TAB2: variants seen among roughly 807,000 people sequenced by gnomAD.
TAB2 encodes the protein TGF-beta activated kinase 1 (MAP3K7) binding protein 2.
In TAB2, 3 loss-of-function variants were observed where a neutral mutation model predicts 65.0. That is an observed-to-expected ratio of 0.05 (90% confidence interval 0.02 to 0.12). TAB2 has a LOEUF of 0.12. TAB2 is among the 10% of genes least tolerant of loss of function. The pLI, the probability that TAB2 is intolerant of heterozygous loss-of-function variation, is 1.00. For synonymous variants in TAB2, 298 were observed against 285.1 expected (o/e 1.05, Z -0.46); for missense variants, 623 against 840.3 (o/e 0.74, Z 3.20).
At chr6:149,368,094 C>T (rs1781097825) in intron 1 of TAB2, among the ~76,000 whole-genome samples, 1 of 152,146 alleles carries the variant, frequency 6.6e-6, no homozygotes, top group African/African-American at 2.4e-5. Flanking sequence ...TAGATCTGAA[C>T]TCTACCAGCC....
In TAB2 at chr6:149,377,766, G is replaced by T. The variant is rs6916134; in HGVS notation, c.103-252G>T. Reference sequence around the variant, plus strand: ...TCTGTCTGAATCCATTTTACTCCTCGTATCCATTGTAGCTGCTAAAGTGGA... The same window carrying T: ...TCTGTCTGAATCCATTTTACTCCTCTTATCCATTGTAGCTGCTAAAGTGGA... On this transcript the variant is annotated intron_variant, in intron 2 of 6. Coordinates refer to ENST00000637181, the MANE Select transcript of TAB2 (RefSeq NM_001292034.3). Among the ~76,000 whole-genome samples, 135,418 of 152,202 alleles carry T rather than the reference G, an allele frequency of 0.89. 60,250 individuals are homozygous for T. Among genetic ancestry groups the T allele is most frequent in the Middle Eastern group, 0.97 (284 of 294 alleles).
At chr6:149,350,249 C>T (rs59820585) in intron 1 of TAB2, among the ~76,000 whole-genome samples, 35,879 of 151,886 alleles carry the variant, frequency 0.24, 4,423 homozygotes, top group Non-Finnish European at 0.26. Flanking sequence ...ATATTTCTCA[C>T]GTGAAGAATT....
chr6:149,253,669 A>G (rs367992227), intron 1 of TAB2, among the ~76,000 whole-genome samples: 15 of 149,570 alleles, frequency 1.0e-4, no homozygotes, highest in Admixed American at 3.4e-4. Context: ...CACGCTTGTA[A>G]TCCTAGCACT....
intron 1 of TAB2, among the ~76,000 whole-genome samples, chr6:149,352,584 T>C (rs1222133327): frequency 6.6e-6 from 1 of 152,232 alleles, no homozygotes; most frequent in African/African-American, 2.4e-5. Flanking sequence ...AATACTTTAC[T>C]ATAAGCACCT....
chr6:149,292,801 T>C (rs1236708335), intron 1 of TAB2, among the ~76,000 whole-genome samples: 1 of 152,246 alleles, frequency 6.6e-6, no homozygotes, highest in African/African-American at 2.4e-5. Context: ...AGTTTTTTCA[T>C]AGCTAACCGT....
At chr6:149,399,072 G>C (rs780290901) in intron 5 of TAB2, 32 bp from the exon 6 acceptor site, 32 of 1,541,230 alleles carry the variant, frequency 2.1e-5, no homozygotes, top group Non-Finnish European at 2.8e-5. Context: ...TGAGCTATAA[G>C]CATTGATATA....
intron 1 of TAB2, among the ~76,000 whole-genome samples, chr6:149,265,193 T>C (rs1348105065): frequency 2.5e-5 from 2 of 80,164 alleles, no homozygotes; most frequent in Non-Finnish European, 5.0e-5. Flanking sequence ...TTCAGAACCC[T>C]TTTTTTTTTT....
chr6:149,394,086 A>G (rs1049526677), intron 3 of TAB2, among the ~76,000 whole-genome samples: 4 of 151,524 alleles, frequency 2.6e-5, no homozygotes, highest in Non-Finnish European at 5.9e-5. Flanking sequence ...ACATAGACTG[A>G]TACTGTTCTG....
At chr6:149,249,953 A>T (rs369387322) in intron 1 of TAB2, among the ~76,000 whole-genome samples, 11 of 152,308 alleles carry the variant, frequency 7.2e-5, no homozygotes, top group Admixed American at 3.3e-4. Context: ...TTGGACTGTG[A>T]GGGAAGGCTG....
chr6:149,316,521 T>C (rs1779255373), upstream of TAB2, among the ~76,000 whole-genome samples: 1 of 152,198 alleles, frequency 6.6e-6, no homozygotes, highest in Admixed American at 6.5e-5. Flanking sequence ...GATATGGACA[T>C]TTTGGACAGG....
rs1050095732 is a variant in TAB2 at position 149,410,990 on chromosome 6, A to G, written c.*1271A>G. ...GTATTTATAAAACAAGGCTAGCCAT[A>G]TTTAGGACAACTGAAGAAAAGCTGG... On this transcript the variant is annotated 3_prime_UTR_variant, in exon 7 of 7. Coordinates refer to ENST00000637181, the MANE Select transcript of TAB2 (RefSeq NM_001292034.3). 2.0e-5 allele frequency: 3 copies of G among 152,590 alleles called. No individual in the cohort carries two copies. Among genetic ancestry groups the G allele is most frequent in the Non-Finnish European group, 4.4e-5 (3 of 68,028 alleles). The allele number at this position is 152,590 out of a possible 1,614,324, so 9.5% of individuals were successfully genotyped here.
chr6:149,275,212 G>T (rs1246422290), intron 1 of TAB2, among the ~76,000 whole-genome samples: 1 of 128,820 alleles, frequency 7.8e-6, no homozygotes, highest in Non-Finnish European at 1.5e-5. Flanking sequence ...AACTCCCTTG[G>T]GCGGGGGAGG....
intron 6 of TAB2, among the ~76,000 whole-genome samples, chr6:149,407,600 A>G: frequency 6.6e-6 from 1 of 152,144 alleles, no homozygotes; most frequent in East Asian, 1.9e-4. Flanking sequence ...ATTTTTTGCA[A>G]TAAAGCTAAA....
chr6:149,250,666 T>C (rs1777840710), intron 1 of TAB2, among the ~76,000 whole-genome samples: 1 of 152,162 alleles, frequency 6.6e-6, no homozygotes, highest in Non-Finnish European at 1.5e-5. Context: ...GAAAAGAGAT[T>C]ACTCAAGACT....
At chr6:149,247,939 T>G (rs561279100) in intron 1 of TAB2, 1 of 152,250 alleles carries the variant, frequency 6.6e-6, no homozygotes, top group East Asian at 1.9e-4. Flanking sequence ...GGGAGAACAT[T>G]AGGACAAATA....
At position 149,352,783 on chromosome 6, in the gene TAB2, A is replaced by C. The variant is rs77501912; in HGVS notation, c.-89-17126A>C. ...GATTCAAAGATGAATCAGTGAACATACTTGGGCTTTATACTTAGGGACTTT... is the reference window on the plus strand; with the variant it reads ...GATTCAAAGATGAATCAGTGAACATCCTTGGGCTTTATACTTAGGGACTTT... On this transcript the variant is annotated intron_variant, in intron 1 of 6. Transcript: ENST00000637181. Among the ~76,000 whole-genome samples, 1,146 of 152,312 alleles carry C rather than the reference A, an allele frequency of 7.5e-3. 9 individuals carry two copies. The highest frequency in any genetic ancestry group is 0.026 in the African/African-American group (1,099 of 41,568).
At chr6:149,334,157 A>G (rs1255828164) in intron 1 of TAB2, among the ~76,000 whole-genome samples, 1 of 152,184 alleles carries the variant, frequency 6.6e-6, no homozygotes, top group Non-Finnish European at 1.5e-5. Context: ...TCTTGATACC[A>G]TTCTTCCCAA....
In TAB2 at chr6:149,373,361, A is replaced by G. The variant is rs565280579; in HGVS notation, c.102+3262A>G. Among the ~76,000 whole-genome samples the G allele has an allele frequency of 1.1e-4, 16 of 152,306 alleles. No individual in the cohort carries two copies. In the Middle Eastern group the frequency reaches 0.01, roughly 97 times the overall value. On this transcript the variant is annotated intron_variant, in intron 2 of 6. Transcript: ENST00000637181. The stretch of plus-strand genomic sequence containing the variant: ...GCATTAAGTATTTTTCATTCAGTAT[A>G]TGCAACACTTAATATTTAAGTGCCA...
chr6:149,255,163 T>G (rs1199093042), intron 1 of TAB2: 2 of 152,226 alleles, frequency 1.3e-5, no homozygotes, highest in Non-Finnish European at 2.9e-5. Context: ...TACGTTTAGA[T>G]GAGGTCATGA....
Sources: allele counts gnomAD v4.1 joint callset (sites outside exome capture counted in the v4.1 genomes callset), GRCh38; gene constraint gnomAD v4.1.1; transcripts MANE v1.5; gene names NCBI Gene and HGNC (gene_info 2026-07-23, HGNC 2026-07-21).